The following DENND6A variants were observed in gnomAD, a reference collection of about 807,000 sequenced individuals.
DENND6A encodes the protein protein DENND6A.
A neutral mutation model predicts 95.5 loss-of-function variants in DENND6A; 43 were observed. The ratio of observed to expected loss-of-function variants is 0.45; its 90% CI spans 0.35 to 0.58. The LOEUF is 0.58. Among genes scored for constraint, DENND6A ranks in the 20% least tolerant of loss-of-function variants. The pLI is 0.00. For missense variants in DENND6A, 574 were observed against 736.0 expected (o/e 0.78, Z 2.55); for synonymous variants, 257 against 260.4 (o/e 0.99, Z 0.13).
chr3:57,658,153 G>A (rs949315854), intron 8 of DENND6A, among the ~76,000 whole-genome samples: 8 of 150,134 alleles, frequency 5.3e-5, no homozygotes, highest in Admixed American at 2.0e-4. Flanking sequence ...GGAGAATGGC[G>A]TGAACCCGGG....
chr3:57,688,078 C>T (rs1406676678), intron 1 of DENND6A, among the ~76,000 whole-genome samples: 1 of 152,016 alleles, frequency 6.6e-6, no homozygotes, highest in Non-Finnish European at 1.5e-5. Flanking sequence ...TCACTGCAAC[C>T]TCTGCCTCCC....
At chr3:57,657,824 T>C (rs1046427302) in intron 8 of DENND6A, 89 bp from the exon 9 acceptor site, 30 of 752,016 alleles carry the variant, frequency 4.0e-5, no homozygotes, top group Non-Finnish European at 6.1e-5. Flanking sequence ...CAATAAGCCA[T>C]GCTGCCCTGT....
rs933843207 is a variant in DENND6A, at chr3:57,627,127, T to A, written c.*1087A>T. ...CATTAGTTTAAACATTTAATAATAT[T>A]TAAATTAGTATTTATTTAATTTTTT... On this transcript the variant is annotated 3_prime_UTR_variant, in exon 20 of 20. Transcript: ENST00000311128. 3 of 152,124 alleles carry A rather than the reference T, an allele frequency of 2.0e-5. No individual in the cohort carries two copies. Among genetic ancestry groups the A allele is most frequent in the African/African-American group, 7.2e-5 (3 of 41,428 alleles). The allele number at this position is 152,124 out of a possible 1,614,324, so 9.4% of individuals were successfully genotyped here. A position where few individuals can be genotyped will look rare whatever the true frequency, so the allele number is the denominator to read the frequency against.
At chr3:57,637,395 C>CTTCTGCAAG (rs2070817966) in intron 12 of DENND6A, among the ~76,000 whole-genome samples, 1 of 152,178 alleles carries the variant, frequency 6.6e-6, no homozygotes, top group South Asian at 2.1e-4. Context: ...AGGAATGATC[C>CTTCTGCAAG]TTCTGCAAGG....
chr3:57,680,122 C>T (rs1286424428), intron 1 of DENND6A, among the ~76,000 whole-genome samples: 1 of 152,122 alleles, frequency 6.6e-6, no homozygotes, highest in African/African-American at 2.4e-5. Context: ...AGCTCTAATT[C>T]ACAGCATATA....
At chr3:57,642,527 A>G (rs925130410) in intron 11 of DENND6A, among the ~76,000 whole-genome samples, 14 of 152,134 alleles carry the variant, frequency 9.2e-5, no homozygotes, top group Admixed American at 8.5e-4. Flanking sequence ...CTGTAGAACT[A>G]CACAGAGTTT....
chr3:57,658,116 G>A (rs908927941), intron 8 of DENND6A, among the ~76,000 whole-genome samples: 1 of 150,930 alleles, frequency 6.6e-6, no homozygotes, highest in Non-Finnish European at 1.5e-5. Flanking sequence ...GGCGCCTGTA[G>A]TCCCAGCTAC....
intron 1 of DENND6A, 103 bp downstream of exon 1, chr3:57,692,679 C>G: frequency 9.0e-7 from 1 of 1,112,266 alleles, no homozygotes; most frequent in South Asian, 1.9e-5. Context: ...CCCGGATGCG[C>G]CGCGGACAGG....
chr3:57,668,866 T>C (rs974871129), intron 3 of DENND6A, among the ~76,000 whole-genome samples: 1 of 152,156 alleles, frequency 6.6e-6, no homozygotes, highest in African/African-American at 2.4e-5. Context: ...ATTTCAAAGT[T>C]GGTACAGTAA....
chr3:57,664,739 A>G (rs1250432096), intron 4 of DENND6A, among the ~76,000 whole-genome samples: 2 of 152,202 alleles, frequency 1.3e-5, no homozygotes, highest in Non-Finnish European at 2.9e-5. Context: ...AGGCTGAGGC[A>G]GGAGAATCGC....
At chr3:57,665,056 A>G (rs1157970737) in intron 4 of DENND6A, among the ~76,000 whole-genome samples, 1 of 152,166 alleles carries the variant, frequency 6.6e-6, no homozygotes, top group Non-Finnish European at 1.5e-5. Context: ...AGAAAAATAC[A>G]TGCTATCTCA....
At chr3:57,681,616 C>A in intron 1 of DENND6A, among the ~76,000 whole-genome samples, 1 of 124,884 alleles carries the variant, frequency 8.0e-6, no homozygotes, top group Non-Finnish European at 1.7e-5. Flanking sequence ...AGAGCAAGAC[C>A]CTGTTAAAAA....
intron 9 of DENND6A, among the ~76,000 whole-genome samples, chr3:57,648,568 A>G (rs2153414144): frequency 6.6e-6 from 1 of 152,342 alleles, no homozygotes; most frequent in East Asian, 1.9e-4. Context: ...AAGTAAGACT[A>G]AGCAAAAAGA....
At chr3:57,639,381 T>C (rs2070875049) in intron 12 of DENND6A, among the ~76,000 whole-genome samples, 1 of 152,208 alleles carries the variant, frequency 6.6e-6, no homozygotes, top group Admixed American at 6.5e-5. Context: ...TATCAATTCA[T>C]GCTGCTCTAC....
At chr3:57,659,488 T>TA (rs756392362) in intron 7 of DENND6A, among the ~76,000 whole-genome samples, 14 of 152,180 alleles carry the variant, frequency 9.2e-5, no homozygotes, top group African/African-American at 1.2e-4. Flanking sequence ...GCTTCATTAA[T>TA]ATACACACAC....
intron 9 of DENND6A, among the ~76,000 whole-genome samples, chr3:57,654,208 G>A (rs1443829162): frequency 6.6e-6 from 1 of 151,820 alleles, no homozygotes; most frequent in Non-Finnish European, 1.5e-5. Context: ...ACCTGCCTTG[G>A]CCTCCCAAAG....
intron 4 of DENND6A, among the ~76,000 whole-genome samples, chr3:57,664,643 G>A (rs1171164114): frequency 6.6e-6 from 1 of 152,086 alleles, no homozygotes; most frequent in East Asian, 1.9e-4. Flanking sequence ...GACCATCCTG[G>A]CCAACATGGT....
chr3:57,654,317 T>C (rs1346925626), intron 9 of DENND6A, among the ~76,000 whole-genome samples: 1 of 152,126 alleles, frequency 6.6e-6, no homozygotes, highest in Non-Finnish European at 1.5e-5. Flanking sequence ...TAGTATGTTA[T>C]TATAATCTGA....
rs113658787 is a variant in DENND6A, at chr3:57,692,673, G to C, written c.237+109C>G. 1.2e-5 allele frequency: 13 copies of C among 1,041,336 alleles called. No homozygotes were observed. The African/African-American group carries it at 1.7e-4, about 14-fold the overall frequency. The allele number at this position is 1,041,336 out of a possible 1,614,324, so 64.5% of individuals were successfully genotyped here. The stretch of plus-strand genomic sequence containing the variant: ...CGGGAGGGGAGACTGGCCACGCCCG[G>C]ATGCGCCGCGGACAGGGTCCTGGCC... On this transcript the variant is annotated intron_variant, in intron 1 of 19. Coordinates refer to ENST00000311128, the MANE Select transcript of DENND6A (RefSeq NM_152678.3).
Sources: allele counts gnomAD v4.1 joint callset (sites outside exome capture counted in the v4.1 genomes callset), GRCh38; gene constraint gnomAD v4.1.1; transcripts MANE v1.5; gene names NCBI Gene and HGNC (gene_info 2026-07-23, HGNC 2026-07-21).